EXT2: variants seen among roughly 807,000 people sequenced by gnomAD.
EXT2 encodes exostosin-2.
In EXT2, 53 loss-of-function variants were observed where a neutral mutation model predicts 81.6. The observed-to-expected ratio is 0.65, with a 90% CI of 0.52 to 0.82. EXT2 has a LOEUF of 0.82. Among genes scored for constraint, EXT2 ranks in the 40% least tolerant of loss-of-function variants. The pLI is 0.00. For synonymous variants in EXT2, 320 were observed against 340.0 expected (o/e 0.94, Z 0.65); for missense variants, 774 against 910.2 (o/e 0.85, Z 1.93).
chr11:44,238,900 A>T (rs1000038363), intron 13 of EXT2, among the ~76,000 whole-genome samples: 1 of 152,158 alleles, frequency 6.6e-6, no homozygotes, highest in Non-Finnish European at 1.5e-5. Flanking sequence ...TGAATCCCCA[A>T]ATAAGGAGCT....
intron 10 of EXT2, among the ~76,000 whole-genome samples, chr11:44,216,123 G>A (rs1411949192): frequency 2.6e-5 from 4 of 152,102 alleles, no homozygotes; most frequent in African/African-American, 7.2e-5. Flanking sequence ...TGATCCACCC[G>A]CCTCGGTCTC....
intron 10 of EXT2, among the ~76,000 whole-genome samples, chr11:44,225,432 C>G (rs983217034): frequency 6.6e-6 from 1 of 152,048 alleles, no homozygotes; most frequent in South Asian, 2.1e-4. Context: ...TCACAAAGAG[C>G]CTGTAGCTTT....
Position 44,171,635 on chromosome 11 carries a change from T to G in EXT2, c.1198T>G (p.Phe400Val). 1 of 1,614,126 alleles carries G rather than the reference T, an allele frequency of 6.2e-7. No individual in the cohort carries two copies. The highest frequency in any genetic ancestry group is 8.5e-7 in the Non-Finnish European group (1 of 1,180,010). ...GGCCCGGTGGTTCTGGGAAGCGTAC[T>G]TCCAGTCAATTAAAGCCATTGCCCT... is the stretch of plus-strand genomic sequence containing the variant. ...RQARWFWEAY[F>V]QSIKAIALAT... is the part of the protein sequence containing the mutation. Residue 400 changes from phenylalanine to valine, a missense_variant, in exon 8 of 14, where the codon TTC becomes GTC. Phe to Val is a conservative substitution (Grantham distance 50). This residue lies in a region of EXT2 where 626 missense variants were observed against 670.5 expected (regional missense o/e 0.93). Transcript: ENST00000533608.
At chr11:44,180,384 T>A (rs1254427113) in intron 8 of EXT2, among the ~76,000 whole-genome samples, 1 of 152,240 alleles carries the variant, frequency 6.6e-6, no homozygotes, top group Non-Finnish European at 1.5e-5. Flanking sequence ...TGAACAAAGT[T>A]GTAAACAAGG....
chr11:44,212,208 C>G (rs1955656475), intron 10 of EXT2, among the ~76,000 whole-genome samples: 1 of 151,922 alleles, frequency 6.6e-6, no homozygotes, highest in Admixed American at 6.6e-5. Context: ...TCACATGAAT[C>G]TGGGAGGCAG....
intron 7 of EXT2, among the ~76,000 whole-genome samples, chr11:44,132,391 T>A (rs1490468163): frequency 1.3e-5 from 2 of 152,226 alleles, no homozygotes. Flanking sequence ...TAAAACAGCG[T>A]ACTTTTGGGT....
chr11:44,206,584 T>G (rs1055637348), intron 9 of EXT2, among the ~76,000 whole-genome samples: 2 of 150,536 alleles, frequency 1.3e-5, no homozygotes, highest in Non-Finnish European at 2.9e-5. Flanking sequence ...GTATATATGT[T>G]GTATATATGT....
rs551282531 is a variant in EXT2, at chr11:44,249,842, G to A, written c.*5555G>A. ...TCCCAGCATTTTGGGAGGCCAAAGC[G>A]GGCAGATCATGAGGTCACGAGATCG... On this transcript the variant is annotated 3_prime_UTR_variant, in exon 14 of 14. Transcript: ENST00000533608. 1.1e-3 allele frequency among the ~76,000 whole-genome samples: 166 copies of A among 152,300 alleles called. 1 individual carries two copies. The highest frequency in any genetic ancestry group is 1.4e-3 in the Non-Finnish European group (95 of 68,014).
In EXT2 at chr11:44,124,194, T is replaced by G. The variant is rs1003834848; in HGVS notation, c.744-595T>G. 2.0e-5 allele frequency among the ~76,000 whole-genome samples: 3 copies of G among 152,108 alleles called. No homozygotes were observed. In the East Asian group the frequency reaches 5.8e-4, roughly 29 times the overall value. ...TTCTTGTTTTCAACTACCAATTCGG[T>G]CTCCCTCCCATTTATGTGGCCTTGA... On this transcript the variant is annotated intron_variant, in intron 4 of 13. Coordinates refer to ENST00000533608, the MANE Select transcript of EXT2 (RefSeq NM_207122.2).
At chr11:44,120,636 G>A (rs1447849966) in intron 4 of EXT2, among the ~76,000 whole-genome samples, 1 of 152,266 alleles carries the variant, frequency 6.6e-6, no homozygotes, top group African/African-American at 2.4e-5. Flanking sequence ...CCTTGTGAGA[G>A]TTGCTGTTTA....
rs954119084 is a variant in EXT2, at chr11:44,155,886, T to C, written c.1174-15725T>C. On this transcript the variant is annotated intron_variant, in intron 7 of 13. Transcript: ENST00000533608. ...CTTGTTAACATCCTTTTCTTTCGGA[T>C]TGAATAACTCTTTAGTATTTCTTAT... 6.6e-5 allele frequency among the ~76,000 whole-genome samples: 10 copies of C among 152,322 alleles called. No individual in the cohort carries two copies. The East Asian group carries it at 1.5e-3, about 23-fold the overall frequency.
chr11:44,124,765 A>G (rs750960476), intron 4 of EXT2, 24 bp from the exon 5 acceptor site: 30 of 1,612,044 alleles, frequency 1.9e-5, no homozygotes, highest in African/African-American at 2.7e-5. Flanking sequence ...CAATTTTCCA[A>G]TCACCTGTTT....
At chr11:44,140,022 C>T (rs1294486389) in intron 7 of EXT2, among the ~76,000 whole-genome samples, 2 of 152,132 alleles carry the variant, frequency 1.3e-5, no homozygotes, top group Non-Finnish European at 2.9e-5. Flanking sequence ...GGAACCTCGC[C>T]GTTGGCCACT....
intron 4 of EXT2, among the ~76,000 whole-genome samples, chr11:44,115,719 G>T (rs1255748505): frequency 6.6e-6 from 1 of 152,198 alleles, no homozygotes; most frequent in Non-Finnish European, 1.5e-5. Context: ...AGAAACCTTT[G>T]TGGACTCTGA....
chr11:44,114,008 G>GA (rs1480022668), intron 3 of EXT2, among the ~76,000 whole-genome samples, 177 bp from the exon 4 acceptor site: 1 of 152,084 alleles, frequency 6.6e-6, no homozygotes, highest in Non-Finnish European at 1.5e-5. Flanking sequence ...TTCAAGGATA[G>GA]AACGCAGCTG....
chr11:44,121,670 C>T (rs1260887964), intron 4 of EXT2, among the ~76,000 whole-genome samples: 4 of 151,728 alleles, frequency 2.6e-5, no homozygotes, highest in African/African-American at 9.7e-5. Flanking sequence ...CCTCCCAGCA[C>T]AGATGCCTTT....
chr11:44,136,488 A>G (rs1590582141), intron 7 of EXT2, among the ~76,000 whole-genome samples: 2 of 152,200 alleles, frequency 1.3e-5, no homozygotes, highest in African/African-American at 4.8e-5. Flanking sequence ...GCTTCCTAAC[A>G]ATTCAAGCTA....
At chr11:44,234,555 C>G (rs552262702) in intron 12 of EXT2, among the ~76,000 whole-genome samples, 63 of 149,614 alleles carry the variant, frequency 4.2e-4, no homozygotes, top group South Asian at 2.1e-3. Flanking sequence ...GGTTCTAGTT[C>G]TTTTAGTTAA....
chr11:44,160,705 TG>T (rs1306232668), intron 7 of EXT2, among the ~76,000 whole-genome samples: 1 of 152,190 alleles, frequency 6.6e-6, no homozygotes, highest in Non-Finnish European at 1.5e-5. Flanking sequence ...TGTGAGAAGC[TG>T]GGGTAATGGG....
Sources: gnomAD v4.1 joint callset for allele counts (sites outside exome capture counted in the v4.1 genomes callset) on GRCh38, gnomAD v4.1.1 for gene constraint, gnomAD v4.1.1 regional missense constraint, MANE v1.5 for transcripts, NCBI Gene and HGNC (gene_info 2026-07-23, HGNC 2026-07-21) for gene names.